Variants in NTM observed in about 807,000 individuals in gnomAD.
NTM encodes neurotrimin, also known as IgLON family member 2.
NTM carries 13 observed loss-of-function variants against 42.1 expected under a neutral mutation model. That is an observed-to-expected ratio of 0.31 (90% CI 0.20 to 0.49). NTM has a LOEUF of 0.49. Among genes scored for constraint, NTM ranks in the 20% least tolerant of loss-of-function variants. The pLI, the probability that NTM is intolerant of heterozygous loss-of-function variation, is 0.99. For missense variants in NTM, 373 were observed against 452.8 expected (o/e 0.82, Z 1.60); for synonymous variants, 187 against 179.2 (o/e 1.04, Z -0.35).
intron 1 of NTM, among the ~76,000 whole-genome samples, chr11:131,881,590 C>T (rs1446098939): frequency 1.3e-5 from 2 of 151,856 alleles, no homozygotes; most frequent in East Asian, 3.9e-4. Flanking sequence ...AGTGCACAGA[C>T]AGAAAGAGTG....
chr11:131,370,656 C>G lies in NTM; in HGVS notation c.-151C>G, dbSNP rs1941042062. The G allele has an allele frequency of 1.5e-6, 1 of 646,936 alleles. No homozygotes were observed. Among genetic ancestry groups the G allele is most frequent in the Non-Finnish European group, 2.7e-6 (1 of 375,718 alleles). The allele number at this position is 646,936 out of a possible 1,614,324, so 40.1% of individuals were successfully genotyped here. On this transcript the variant is annotated 5_prime_UTR_variant, in exon 1 of 9. Transcript: ENST00000683400. ...TAATTACGGAGAAGTCATACTCTCTCACACCCTCGGCTTTCTTGTTGTGTC... is the reference window on the plus strand; with the variant it reads ...TAATTACGGAGAAGTCATACTCTCTGACACCCTCGGCTTTCTTGTTGTGTC...
intron 2 of NTM, among the ~76,000 whole-genome samples, chr11:132,119,905 A>C (rs1163901268): frequency 6.6e-6 from 1 of 152,256 alleles, no homozygotes; most frequent in African/African-American, 2.4e-5. Flanking sequence ...GCTGCCTTGC[A>C]TCAGCTCCTG....
chr11:131,937,210 T>A (rs959399572), intron 2 of NTM, among the ~76,000 whole-genome samples: 14 of 152,234 alleles, frequency 9.2e-5, no homozygotes, highest in East Asian at 3.8e-4. Context: ...TGTGTTTTCT[T>A]AATACCCTCT....
At chr11:131,435,296 C>T (rs1309324049) in intron 1 of NTM, among the ~76,000 whole-genome samples, 2 of 152,076 alleles carry the variant, frequency 1.3e-5, no homozygotes, top group Admixed American at 6.6e-5. Context: ...TCCATATGAA[C>T]CTTAAAGTAG....
At chr11:132,217,291 T>C (rs2084046921) in intron 4 of NTM, among the ~76,000 whole-genome samples, 1 of 151,976 alleles carries the variant, frequency 6.6e-6, no homozygotes, top group South Asian at 2.1e-4. Context: ...AATCAATCGG[T>C]AGAAAAAAGA....
intron 1 of NTM, among the ~76,000 whole-genome samples, chr11:131,789,409 T>A (rs752237686): frequency 1.2e-5 from 1 of 82,266 alleles, no homozygotes; most frequent in Non-Finnish European, 2.5e-5. Context: ...ATTGCTGCAG[T>A]TAAAAGAAAA....
intron 1 of NTM, among the ~76,000 whole-genome samples, chr11:131,792,785 G>A (rs777912009): frequency 1.4e-4 from 22 of 152,186 alleles, no homozygotes; most frequent in Non-Finnish European, 3.2e-4. Context: ...AAGAAGAGTG[G>A]CAATTCGTTT....
rs539235075 is a variant in NTM at position 131,393,901 on chromosome 11, A to G, written c.82+23013A>G. Among the ~76,000 whole-genome samples, 33 of 152,362 alleles carry G rather than the reference A, an allele frequency of 2.2e-4. No individual in the cohort carries two copies. The South Asian group carries it at 6.4e-3, about 30-fold the overall frequency. On this transcript the variant is annotated intron_variant, in intron 1 of 8. Transcript: ENST00000683400. ...TCCTTCAGCCTATTAAGCAAACAAA[A>G]GTGCTTGTGGAATGAGAAATGTAAA...
chr11:131,549,436 CAGA>C, intron 1 of NTM, among the ~76,000 whole-genome samples: 1 of 151,866 alleles, frequency 6.6e-6, no homozygotes, highest in Non-Finnish European at 1.5e-5. Flanking sequence ...ATTTTTTAGA[CAGA>C]AGGAGAGAAA....
chr11:132,069,667 AC>A (rs2057153037), intron 2 of NTM, among the ~76,000 whole-genome samples: 1 of 149,710 alleles, frequency 6.7e-6, no homozygotes, highest in African/African-American at 2.5e-5. Context: ...TTAACACGTC[AC>A]ACTGACCATC....
At chr11:131,955,922 G>T (rs1358959777) in intron 2 of NTM, among the ~76,000 whole-genome samples, 1 of 152,258 alleles carries the variant, frequency 6.6e-6, no homozygotes, top group Non-Finnish European at 1.5e-5. Context: ...CCTGGAGCCT[G>T]TTCTTAAGAT....
intron 7 of NTM, among the ~76,000 whole-genome samples, chr11:132,316,498 T>C (rs1209608798): frequency 1.3e-5 from 2 of 152,200 alleles, no homozygotes; most frequent in Non-Finnish European, 2.9e-5. Context: ...AAAGTAGTAG[T>C]ATGTATTCAA....
chr11:131,910,420 T>C (rs2137912730), intron 1 of NTM, among the ~76,000 whole-genome samples: 1 of 147,858 alleles, frequency 6.8e-6, no homozygotes, highest in South Asian at 2.1e-4. Context: ...GCTGGGCTGG[T>C]GCACAGCCTG....
At chr11:131,802,353 G>A (rs898183560) in intron 1 of NTM, among the ~76,000 whole-genome samples, 2 of 152,180 alleles carry the variant, frequency 1.3e-5, no homozygotes, top group Admixed American at 1.3e-4. Flanking sequence ...CATGAAAACA[G>A]CATTTCAGCT....
chr11:131,417,177 TCAG>T (rs1410039636), intron 1 of NTM, among the ~76,000 whole-genome samples: 1 of 152,214 alleles, frequency 6.6e-6, no homozygotes, highest in Non-Finnish European at 1.5e-5. Context: ...AAGCAAAATA[TCAG>T]CTGATCAAAT....
intron 2 of NTM, among the ~76,000 whole-genome samples, chr11:132,108,474 C>A (rs558319791): frequency 6.6e-6 from 1 of 152,070 alleles, no homozygotes; most frequent in Non-Finnish European, 1.5e-5. Flanking sequence ...TAAGTGGGAG[C>A]TAAACTCTGA....
At position 131,911,181 on chromosome 11, in the gene NTM, C is replaced by G. The variant is rs949293891; in HGVS notation, c.83-383C>G. ...TCCTGAGACGCGCCCACACCTTTCACCTGCCGCGCGCTTCCCCCTCCTCGG... is the reference window on the plus strand; with the variant it reads ...TCCTGAGACGCGCCCACACCTTTCAGCTGCCGCGCGCTTCCCCCTCCTCGG... On this transcript the variant is annotated intron_variant, in intron 1 of 8. Coordinates refer to ENST00000683400, the MANE Select transcript of NTM (RefSeq NM_001352005.2). 3.0e-6 allele frequency: 4 copies of G among 1,346,992 alleles called. No individual in the cohort carries two copies. In the African/African-American group the frequency reaches 4.4e-5, roughly 15 times the overall value. The allele number at this position is 1,346,992 out of a possible 1,614,324, so 83.4% of individuals were successfully genotyped here.
intron 1 of NTM, among the ~76,000 whole-genome samples, chr11:131,828,460 C>A (rs1269839361): frequency 6.6e-6 from 1 of 152,004 alleles, no homozygotes; most frequent in Non-Finnish European, 1.5e-5. Context: ...ACATTGCCAA[C>A]ATTACCACCA....
chr11:132,088,513 A>T (rs371832491), intron 2 of NTM, among the ~76,000 whole-genome samples: 3 of 152,302 alleles, frequency 2.0e-5, no homozygotes, highest in African/African-American at 7.2e-5. Flanking sequence ...AAAGCTGTCA[A>T]CAAAAAAAGG....
Sources: gnomAD v4.1 joint callset for allele counts (sites outside exome capture counted in the v4.1 genomes callset) on GRCh38, gnomAD v4.1.1 for gene constraint, MANE v1.5 for transcripts, NCBI Gene and HGNC (gene_info 2026-07-23, HGNC 2026-07-21) for gene names.